EDDM13: variants seen among roughly 807,000 people sequenced by gnomAD.
EDDM13 encodes epididymal protein 13.
In EDDM13, 24 loss-of-function variants were observed where a neutral mutation model predicts 17.8. That is an observed-to-expected ratio of 1.35 (90% CI 0.98 to 1.90). The LOEUF is 1.90. Ranked by LOEUF, EDDM13 falls within the 40% of genes most tolerant of loss-of-function variation. The pLI is 0.00. For synonymous variants in EDDM13, 31 were observed against 37.5 expected (o/e 0.83, Z 0.63); for missense variants, 97 against 100.8 (o/e 0.96, Z 0.16).
At chr19:56,291,966 C>A (rs192840418) in intron 9 of EDDM13, among the ~76,000 whole-genome samples, 55 of 152,310 alleles carry the variant, frequency 3.6e-4, no homozygotes, top group Non-Finnish European at 6.9e-4. Flanking sequence ...TTATTCCCCA[C>A]AACTTCTTCA....
intron 2 of EDDM13, among the ~76,000 whole-genome samples, chr19:56,280,256 G>A (rs951449017): frequency 1.3e-5 from 2 of 152,188 alleles, no homozygotes; most frequent in Non-Finnish European, 2.9e-5. Context: ...CTCTGTGTCA[G>A]TTCATAAGGA....
intron 2 of EDDM13, among the ~76,000 whole-genome samples, chr19:56,278,531 T>C (rs915627544): frequency 1.3e-5 from 2 of 152,200 alleles, no homozygotes; most frequent in African/African-American, 4.8e-5. Context: ...TAGGCAGAGT[T>C]CTCCAGAGAG....
chr19:56,307,417 T>C (rs565682719), intron 14 of EDDM13, among the ~76,000 whole-genome samples: 1 of 152,346 alleles, frequency 6.6e-6, no homozygotes, highest in South Asian at 2.1e-4. Context: ...TACTGAAATC[T>C]TACATGGAAT....
chr19:56,279,671 T>G (rs2038536817), intron 2 of EDDM13, among the ~76,000 whole-genome samples: 1 of 152,136 alleles, frequency 6.6e-6, no homozygotes, highest in Non-Finnish European at 1.5e-5. Flanking sequence ...ACACCAGACT[T>G]GGTGAGCTAA....
chr19:56,304,267 G>C (rs1448780071), intron 13 of EDDM13, among the ~76,000 whole-genome samples: 1 of 152,228 alleles, frequency 6.6e-6, no homozygotes, highest in Non-Finnish European at 1.5e-5. Context: ...TGGGTGTGAG[G>C]AATAAGGAAA....
intron 4 of EDDM13, chr19:56,283,948 C>A (rs536775018): frequency 1.3e-5 from 2 of 152,362 alleles, no homozygotes; most frequent in Non-Finnish European, 2.9e-5. Context: ...ACTTTGGACG[C>A]TCTTCCCTGC....
intron 9 of EDDM13, among the ~76,000 whole-genome samples, chr19:56,292,735 T>G (rs999905206): frequency 6.6e-6 from 1 of 152,122 alleles, no homozygotes; most frequent in Non-Finnish European, 1.5e-5. Flanking sequence ...CCCTCTGACC[T>G]CAGCCCCGGC....
intron 13 of EDDM13, 54 bp from the exon 14 acceptor site, chr19:56,304,739 C>T (rs1359808500): frequency 7.2e-6 from 7 of 976,088 alleles, no homozygotes; most frequent in Non-Finnish European, 8.5e-6. Flanking sequence ...GGAATTCACT[C>T]GCCTCACCCC....
intron 13 of EDDM13, chr19:56,303,128 T>A: frequency 2.7e-6 from 1 of 372,448 alleles, no homozygotes; most frequent in Non-Finnish European, 4.8e-6. Context: ...AGGGGAAGCA[T>A]TCCAGAGAAA....
At chr19:56,297,348 T>G (rs2039943014) in intron 11 of EDDM13, among the ~76,000 whole-genome samples, 157 bp from the exon 12 acceptor site, 1 of 151,488 alleles carries the variant, frequency 6.6e-6, no homozygotes, top group South Asian at 2.1e-4. Context: ...TTTCTTTTCC[T>G]TTCTTTTCTC....
chr19:56,277,493 T>C (rs759845379), intron 2 of EDDM13, among the ~76,000 whole-genome samples: 5 of 149,420 alleles, frequency 3.3e-5, no homozygotes, highest in Admixed American at 6.8e-5. Context: ...GATAGGCAAA[T>C]CCATAGAGAC....
At chr19:56,301,197 T>C (rs557192185) in intron 12 of EDDM13, among the ~76,000 whole-genome samples, 1 of 152,348 alleles carries the variant, frequency 6.6e-6, no homozygotes, top group African/African-American at 2.4e-5. Context: ...GGCTACTCCA[T>C]AGGCAGAGCA....
chr19:56,305,950 G>A (rs1160954166), intron 14 of EDDM13, among the ~76,000 whole-genome samples: 4 of 150,362 alleles, frequency 2.7e-5, no homozygotes, highest in African/African-American at 9.8e-5. Context: ...TGTGCCTGGA[G>A]TCAGAAAGAA....
intron 2 of EDDM13, among the ~76,000 whole-genome samples, chr19:56,279,246 T>A (rs974752412): frequency 6.6e-5 from 10 of 152,182 alleles, no homozygotes; most frequent in African/African-American, 1.9e-4. Context: ...CTTCGAGAAT[T>A]TCTGCTCCAA....
At chr19:56,302,532 C>CCCCTCTTCCTT (rs752555827) in intron 13 of EDDM13, among the ~76,000 whole-genome samples, 2 of 26,634 alleles carry the variant, frequency 7.5e-5, no homozygotes, top group African/African-American at 1.7e-4. Flanking sequence ...CTCCCTCCCT[C>CCCCTCTTCCTT]TTCTTCCTCC....
At chr19:56,292,898 C>T (rs569276749) in intron 9 of EDDM13, among the ~76,000 whole-genome samples, 8 of 152,342 alleles carry the variant, frequency 5.3e-5, no homozygotes, top group African/African-American at 1.9e-4. Flanking sequence ...GACAGTGCTT[C>T]ACTCCTTTTC....
At chr19:56,300,981 G>C (rs755030914) in intron 12 of EDDM13, among the ~76,000 whole-genome samples, 8 of 152,174 alleles carry the variant, frequency 5.3e-5, no homozygotes, top group Non-Finnish European at 8.8e-5. Context: ...GGATGAGAAA[G>C]AGAAAGGATG....
chr19:56,293,584 G>A (rs1032473812), intron 9 of EDDM13, among the ~76,000 whole-genome samples: 3 of 152,182 alleles, frequency 2.0e-5, no homozygotes, highest in African/African-American at 7.2e-5. Flanking sequence ...TCGGACCCTC[G>A]CCTCCTGAAG....
intron 3 of EDDM13, 64 bp from the exon 4 acceptor site, chr19:56,282,427 T>C (rs931431142): frequency 7.4e-6 from 7 of 947,858 alleles, no homozygotes; most frequent in East Asian, 1.2e-4. Context: ...TGAACCTTCA[T>C]TGGCAATATG....
Sources: allele counts gnomAD v4.1 joint callset (sites outside exome capture counted in the v4.1 genomes callset), GRCh38; gene constraint gnomAD v4.1.1; transcripts MANE v1.5; gene names NCBI Gene and HGNC (gene_info 2026-07-23, HGNC 2026-07-21).